The following TRIM44 variants were observed in gnomAD, a reference collection of about 807,000 sequenced individuals.
The protein encoded by TRIM44 is tripartite motif containing 44.
Under a neutral mutation model 37.4 loss-of-function variants are expected in TRIM44, and 13 were observed. The observed-to-expected ratio is 0.35, with a 90% CI of 0.23 to 0.55. The LOEUF is 0.55. TRIM44 is among the 20% of genes least tolerant of loss of function. TRIM44 has a pLI of 0.89. For missense variants in TRIM44, 426 were observed against 437.2 expected, an observed-to-expected ratio of 0.97 and a Z score of 0.23; for synonymous variants, 175 against 157.2, an observed-to-expected ratio of 1.11 and a Z score of -0.85.
intron 4 of TRIM44, among the ~76,000 whole-genome samples, chr11:35,744,888 A>G (rs1423748913): frequency 1.3e-5 from 2 of 152,180 alleles, no homozygotes; most frequent in Non-Finnish European, 2.9e-5. Context: ...TGCCCCTGAA[A>G]AGGACATGAT....
intron 2 of TRIM44, among the ~76,000 whole-genome samples, chr11:35,712,959 T>G (rs1851997022): frequency 6.6e-6 from 1 of 152,202 alleles, no homozygotes; most frequent in Non-Finnish European, 1.5e-5. Flanking sequence ...GTTAAAGAAA[T>G]AAAATCAGAT....
At chr11:35,729,443 A>G (rs1852225689) in intron 3 of TRIM44, among the ~76,000 whole-genome samples, 1 of 152,168 alleles carries the variant, frequency 6.6e-6, no homozygotes, top group African/African-American at 2.4e-5. Flanking sequence ...CGTACCCTGC[A>G]GTAATAGTAC....
chr11:35,677,385 A>G (rs1251668010), intron 1 of TRIM44, among the ~76,000 whole-genome samples: 1 of 151,126 alleles, frequency 6.6e-6, no homozygotes, highest in East Asian at 1.9e-4. Flanking sequence ...TTCTTTCTAT[A>G]TATTATATAT....
chr11:35,776,359 T>G (rs565803366), intron 4 of TRIM44, among the ~76,000 whole-genome samples: 1 of 152,222 alleles, frequency 6.6e-6, no homozygotes, highest in Non-Finnish European at 1.5e-5. Flanking sequence ...TTCTTCTGTA[T>G]TAGTCTTTCT....
chr11:35,808,610 G>C lies in TRIM44; in HGVS notation c.*2225G>C, dbSNP rs939791896. 2 of 152,180 alleles carry C rather than the reference G, an allele frequency of 1.3e-5. No individual in the cohort carries two copies. The highest frequency in any genetic ancestry group is 1.5e-5 in the Non-Finnish European group (1 of 68,028). The allele number at this position is 152,180 out of a possible 1,614,324, so 9.4% of individuals were successfully genotyped here. A position where few individuals can be genotyped will look rare whatever the true frequency, so the allele number is the denominator to read the frequency against. On this transcript the variant is annotated 3_prime_UTR_variant, in exon 5 of 5. Transcript: ENST00000299413. Reference sequence around the variant, plus strand: ...GAAATATAAAAATATTTGCCAACCTGTCTCAGTAACTTATCATATCTCTGT... The same window carrying C: ...GAAATATAAAAATATTTGCCAACCTCTCTCAGTAACTTATCATATCTCTGT...
At chr11:35,708,768 TG>T (rs1379067843) in intron 2 of TRIM44, among the ~76,000 whole-genome samples, 1 of 150,926 alleles carries the variant, frequency 6.6e-6, no homozygotes, top group African/African-American at 2.4e-5. Context: ...TTGTGGGGTG[TG>T]GGGAGGAGGG....
At chr11:35,784,910 G>A (rs768078453) in intron 4 of TRIM44, among the ~76,000 whole-genome samples, 3 of 152,110 alleles carry the variant, frequency 2.0e-5, no homozygotes, top group African/African-American at 4.8e-5. Context: ...TTTACATGGT[G>A]CATCACCTGA....
chr11:35,758,445 CTT>C, intron 4 of TRIM44, among the ~76,000 whole-genome samples: 1 of 152,270 alleles, frequency 6.6e-6, no homozygotes, highest in East Asian at 1.9e-4. Context: ...GGTCTTGACT[CTT>C]TATCCAGTTT....
At chr11:35,670,311 T>C (rs1253705218) in intron 1 of TRIM44, among the ~76,000 whole-genome samples, 6 of 152,246 alleles carry the variant, frequency 3.9e-5, no homozygotes, top group African/African-American at 1.4e-4. Flanking sequence ...AACTGAACTA[T>C]AGACTTTACT....
intron 4 of TRIM44, among the ~76,000 whole-genome samples, chr11:35,738,363 T>TCTTTA (rs60694080): frequency 0.08 from 12,223 of 152,134 alleles, 1,123 homozygotes; most frequent in African/African-American, 0.22. Flanking sequence ...GCATAGAGTT[T>TCTTTA]CTTGTAACCA....
intron 2 of TRIM44, among the ~76,000 whole-genome samples, chr11:35,686,362 G>T (rs930770984): frequency 8.3e-5 from 12 of 143,748 alleles, no homozygotes; most frequent in East Asian, 4.3e-4. Context: ...GGTTCTTTTT[G>T]TTTTTGTTTT....
chr11:35,665,247 G>A (rs900274184), intron 1 of TRIM44, among the ~76,000 whole-genome samples: 10 of 151,936 alleles, frequency 6.6e-5, no homozygotes, highest in African/African-American at 2.2e-4. Flanking sequence ...GAATATAAAC[G>A]CAGGAGTGAA....
intron 4 of TRIM44, among the ~76,000 whole-genome samples, chr11:35,788,858 C>T (rs1245169252): frequency 6.6e-6 from 1 of 152,202 alleles, no homozygotes; most frequent in African/African-American, 2.4e-5. Context: ...AGGACATAAG[C>T]TTTCTCTTTA....
At chr11:35,790,506 A>G (rs1853193861) in intron 4 of TRIM44, among the ~76,000 whole-genome samples, 1 of 152,216 alleles carries the variant, frequency 6.6e-6, no homozygotes, top group Admixed American at 6.5e-5. Flanking sequence ...AAGGATGGAA[A>G]GCTGCAGTCT....
intron 3 of TRIM44, among the ~76,000 whole-genome samples, chr11:35,728,608 T>C (rs1852215982): frequency 6.6e-6 from 1 of 152,214 alleles, no homozygotes; most frequent in Non-Finnish European, 1.5e-5. Flanking sequence ...TGGTAACTTA[T>C]TGGTGAGAGC....
rs1433569145 is a variant in TRIM44 at position 35,725,834 on chromosome 11, G to A, written c.748-90G>A. 13 of 1,408,658 alleles carry A rather than the reference G, an allele frequency of 9.2e-6. No individual in the cohort carries two copies. In the African/African-American group the frequency reaches 1.6e-4, roughly 17 times the overall value. 87.3% of individuals were successfully genotyped at this position (1,408,658 alleles called of 1,614,324 possible). On this transcript the variant is annotated intron_variant, in intron 2 of 4. Coordinates refer to ENST00000299413, the MANE Select transcript of TRIM44 (RefSeq NM_017583.6). ...TAGGATTGGATAGGATCCATGGTGT[G>A]TATTTTGGCCAGGGCTGTATAGTAA...
rs1853584926 is a variant in TRIM44, at chr11:35,816,727, G to A, written c.*10342G>A. 1 of 152,196 alleles carries A rather than the reference G, an allele frequency of 6.6e-6. No individual in the cohort carries two copies. The highest frequency in any genetic ancestry group is 6.5e-5 in the Admixed American group (1 of 15,274). The allele number at this position is 152,196 out of a possible 1,614,324, so 9.4% of individuals were successfully genotyped here. On this transcript the variant is annotated 3_prime_UTR_variant, in exon 5 of 5. Transcript: ENST00000299413. ...TTAGAAGCATACAGACTTGGTTTTA[G>A]TACTGGCTTTGTTCTTTACTAACTC...
intron 4 of TRIM44, among the ~76,000 whole-genome samples, chr11:35,788,578 G>A (rs1853159095): frequency 6.6e-6 from 1 of 152,322 alleles, no homozygotes; most frequent in African/African-American, 2.4e-5. Flanking sequence ...TAACAAGAAT[G>A]CCCCTTGCAG....
intron 2 of TRIM44, among the ~76,000 whole-genome samples, chr11:35,722,909 C>G (rs984381650): frequency 1.3e-5 from 2 of 152,174 alleles, no homozygotes; most frequent in African/African-American, 4.8e-5. Flanking sequence ...GGATGCTTCT[C>G]TTTTGAGTAG....
Sources: allele counts gnomAD v4.1 joint callset (sites outside exome capture counted in the v4.1 genomes callset), GRCh38; gene constraint gnomAD v4.1.1; transcripts MANE v1.5; gene names NCBI Gene and HGNC (gene_info 2026-07-23, HGNC 2026-07-21).